Variants in ITGB5 observed in about 807,000 individuals in gnomAD.
The protein encoded by ITGB5 is integrin beta-5.
Under a neutral mutation model 84.8 loss-of-function variants are expected in ITGB5, and 38 were observed. The ratio of observed to expected loss-of-function variants is 0.45; its 90% CI spans 0.35 to 0.59. ITGB5 has a LOEUF of 0.59. Among genes scored for constraint, ITGB5 ranks in the 20% least tolerant of loss-of-function variants. The probability of loss-of-function intolerance (pLI) is 0.01; values close to 1 mark genes in which losing one functional copy is unlikely to be tolerated. For synonymous variants in ITGB5, 393 were observed against 414.4 expected, an observed-to-expected ratio of 0.95 and a Z score of 0.63; for missense variants, 905 against 1,034.5, an observed-to-expected ratio of 0.87 and a Z score of 1.72.
rs141808877 is a variant in ITGB5 at position 124,799,935 on chromosome 3, G to A, written c.1264-3118C>T. On this transcript the variant is annotated intron_variant, in intron 9 of 14. Coordinates refer to ENST00000296181, the MANE Select transcript of ITGB5 (RefSeq NM_002213.5). ...TCTCCACATCTTTCTGCCGTGGGCT[G>A]GGAACGATTTGAGCCTGCAGATAGG... 1.4e-4 allele frequency among the ~76,000 whole-genome samples: 21 copies of A among 152,298 alleles called. 1 individual carries two copies. The East Asian group carries it at 3.9e-3, about 28-fold the overall frequency.
chr3:124,853,882 G>A (rs2065189937), intron 3 of ITGB5, among the ~76,000 whole-genome samples: 1 of 152,170 alleles, frequency 6.6e-6, no homozygotes. Context: ...CAAAATGTAA[G>A]AAAGCTACCA....
At chr3:124,836,462 G>GA (rs371707157) in intron 5 of ITGB5, among the ~76,000 whole-genome samples, 51 of 150,768 alleles carry the variant, frequency 3.4e-4, no homozygotes, top group Middle Eastern at 3.4e-3. Flanking sequence ...AAAAGAAAAA[G>GA]AAAAAAAAAT....
intron 2 of ITGB5, among the ~76,000 whole-genome samples, chr3:124,872,822 G>C (rs576337491): frequency 6.6e-6 from 1 of 151,820 alleles, no homozygotes; most frequent in Non-Finnish European, 1.5e-5. Context: ...GTCTAGGCTG[G>C]ACTCAAACTC....
intron 9 of ITGB5, among the ~76,000 whole-genome samples, chr3:124,802,502 C>T (rs574646005): frequency 9.1e-4 from 138 of 152,342 alleles, no homozygotes; most frequent in African/African-American, 3.0e-3. Context: ...TCTCCTTCAA[C>T]GAAGAGGGAA....
intron 10 of ITGB5, among the ~76,000 whole-genome samples, chr3:124,777,446 C>T (rs934114897): frequency 2.6e-5 from 4 of 152,256 alleles, no homozygotes; most frequent in African/African-American, 9.6e-5. Context: ...CCCCAGGCTT[C>T]ACACTTGATG....
intron 2 of ITGB5, among the ~76,000 whole-genome samples, chr3:124,871,151 A>C (rs565026358): frequency 1.3e-5 from 2 of 151,900 alleles, no homozygotes; most frequent in East Asian, 3.9e-4. Flanking sequence ...TCAGCTTCCC[A>C]AAGTGCTGGG....
At chr3:124,865,627 C>T (rs886325633) in intron 2 of ITGB5, among the ~76,000 whole-genome samples, 1 of 151,466 alleles carries the variant, frequency 6.6e-6, no homozygotes, top group African/African-American at 2.4e-5. Context: ...GCTGGGACTA[C>T]AGGCAGGTGC....
chr3:124,894,206 C>T (rs1935056553), intron 1 of ITGB5, among the ~76,000 whole-genome samples: 1 of 137,878 alleles, frequency 7.3e-6, no homozygotes, highest in African/African-American at 2.7e-5. Context: ...GATCTCGGCT[C>T]ACTGCAAGCT....
At chr3:124,790,919 T>G (rs1017641413) in intron 10 of ITGB5, among the ~76,000 whole-genome samples, 4 of 152,174 alleles carry the variant, frequency 2.6e-5, no homozygotes, top group African/African-American at 7.2e-5. Flanking sequence ...TGATTTAAAT[T>G]TCCTCATTAT....
chr3:124,840,724 G>A (rs2064999603), intron 5 of ITGB5, among the ~76,000 whole-genome samples: 1 of 151,754 alleles, frequency 6.6e-6, no homozygotes, highest in Non-Finnish European at 1.5e-5. Context: ...GAGTGCAGTG[G>A]CACAATCTCC....
intron 8 of ITGB5, 133 bp downstream of exon 8, chr3:124,817,488 C>T (rs2064621348): frequency 3.5e-6 from 2 of 567,256 alleles, no homozygotes; most frequent in Admixed American, 3.8e-5. Flanking sequence ...AGATACCAAA[C>T]TCAAGGGGAT....
intron 10 of ITGB5, chr3:124,791,776 T>G (rs145792517): frequency 6.6e-6 from 1 of 152,340 alleles, no homozygotes; most frequent in Admixed American, 6.5e-5. Context: ...ACCAGGCTTC[T>G]CTGCCACAAC....
chr3:124,771,871 G>A (rs1451359438), intron 11 of ITGB5, among the ~76,000 whole-genome samples: 1 of 151,716 alleles, frequency 6.6e-6, no homozygotes. Context: ...AGAAATAAAT[G>A]CTTTAAACAT....
At chr3:124,884,766 G>T (rs547570394) in intron 1 of ITGB5, among the ~76,000 whole-genome samples, 1 of 152,130 alleles carries the variant, frequency 6.6e-6, no homozygotes, top group Non-Finnish European at 1.5e-5. Context: ...ACCATGCTCA[G>T]TGCTTTTCTC....
upstream of ITGB5, among the ~76,000 whole-genome samples, chr3:124,890,476 G>A (rs76901243): frequency 4.6e-5 from 7 of 152,052 alleles, no homozygotes; most frequent in East Asian, 1.4e-3. Flanking sequence ...AAGTGCTGGG[G>A]GCATGAGCCA....
intron 4 of ITGB5, among the ~76,000 whole-genome samples, chr3:124,844,980 C>T (rs1308163845): frequency 6.6e-6 from 1 of 152,226 alleles, no homozygotes; most frequent in African/African-American, 2.4e-5. Flanking sequence ...TAAAACTGCT[C>T]TGCAGGGATG....
chr3:124,803,169 T>G (rs556136584), intron 9 of ITGB5, among the ~76,000 whole-genome samples: 7 of 152,294 alleles, frequency 4.6e-5, no homozygotes, highest in African/African-American at 1.4e-4. Flanking sequence ...TTTCCCCATT[T>G]TTCTGAGGTA....
intron 2 of ITGB5, among the ~76,000 whole-genome samples, chr3:124,871,971 G>T (rs1432070641): frequency 6.6e-6 from 1 of 152,068 alleles, no homozygotes; most frequent in Non-Finnish European, 1.5e-5. Context: ...GGGCTCTCTG[G>T]GTATCTGCAG....
intron 4 of ITGB5, among the ~76,000 whole-genome samples, chr3:124,847,317 G>A (rs150081363): frequency 7.7e-4 from 118 of 152,280 alleles, no homozygotes; most frequent in African/African-American, 2.5e-3. Flanking sequence ...AGAAACTCCT[G>A]AAAGACTAAA....
Sources: allele counts gnomAD v4.1 joint callset (sites outside exome capture counted in the v4.1 genomes callset), GRCh38; gene constraint gnomAD v4.1.1; transcripts MANE v1.5; gene names NCBI Gene and HGNC (gene_info 2026-07-23, HGNC 2026-07-21).